The following LMO7 variants were observed in gnomAD, a reference collection of about 807,000 sequenced individuals.
LMO7 encodes the protein LIM domain only protein 7.
In LMO7, 120 loss-of-function variants were observed where a neutral mutation model predicts 206.5. The ratio of observed to expected loss-of-function variants is 0.58; its 90% CI spans 0.50 to 0.68. The LOEUF (loss-of-function observed/expected upper bound fraction) is 0.68, where lower values mean the gene tolerates loss of function less well. Ranked by LOEUF, LMO7 falls within the 30% of genes least tolerant of loss-of-function variation. The pLI is 0.00. For synonymous variants in LMO7, 706 were observed against 681.5 expected (o/e 1.04, Z -0.56); for missense variants, 1,959 against 1,957.9 (o/e 1.00, Z -0.01).
At chr13:75,838,453 TAAAA>T (rs35202291) in intron 20 of LMO7, 2,291 of 205,246 alleles carry the variant, frequency 0.011, no homozygotes, top group South Asian at 0.019. Flanking sequence ...TTTAACTTTG[TAAAA>T]AAAAAAAAAA....
rs2057557811 is a variant in LMO7, at chr13:75,821,369, A to G, written c.2400A>G (p.Lys800=). 1.2e-6 allele frequency: 2 copies of G among 1,614,188 alleles called. No individual in the cohort carries two copies. The highest frequency in any genetic ancestry group is 8.5e-7 in the Non-Finnish European group (1 of 1,180,026). Residue 800 remains lysine (K), a synonymous_variant, in exon 14 of 31, where the codon AAA becomes AAG. Coordinates refer to ENST00000377534, the MANE Select transcript of LMO7 (RefSeq NM_001306080.2). The part of the protein sequence containing the change: ...IPKEDSTTFA[K]REDRVTTEIQ... ...AAGAAGATTCTACCACTTTTGCAAA[A>G]AGAGAGGACCGTGTAACAACTGAAA...
At chr13:75,720,073 T>C (rs1381570851) in intron 2 of LMO7, among the ~76,000 whole-genome samples, 1 of 152,214 alleles carries the variant, frequency 6.6e-6, no homozygotes, top group Non-Finnish European at 1.5e-5. Flanking sequence ...TTAATTTACA[T>C]GTCCCTGATA....
rs2046036705 is a variant in LMO7 at position 75,737,800 on chromosome 13, A to AC, written c.210+10702_210+10703insC. On this transcript the variant is annotated intron_variant, in intron 3 of 30. Coordinates refer to ENST00000377534, the MANE Select transcript of LMO7 (RefSeq NM_001306080.2). ...AATAAAATAAAAAAAAAAAAAAAAA[A>AC]ACTTTTTACTTTGAAATAAATATAG... Among the ~76,000 whole-genome samples, 7 of 115,080 alleles carry AC rather than the reference A, an allele frequency of 6.1e-5. 1 individual carries two copies. Among genetic ancestry groups the AC allele is most frequent in the African/African-American group, 2.3e-4 (7 of 30,390 alleles). 75.5% of individuals were successfully genotyped at this position (115,080 alleles called of 152,430 possible).
chr13:75,819,656 T>G, intron 13 of LMO7, 121 bp downstream of exon 13: 1 of 1,010,560 alleles, frequency 9.9e-7, no homozygotes, highest in Non-Finnish European at 1.3e-6. Flanking sequence ...TAGTCAAATA[T>G]GCAAAGAAAC....
At chr13:75,696,849 A>G (rs1372700515) in intron 1 of LMO7, among the ~76,000 whole-genome samples, 2 of 152,044 alleles carry the variant, frequency 1.3e-5, no homozygotes, top group African/African-American at 4.8e-5. Flanking sequence ...GACTGAGCCG[A>G]GGGGAGGTGT....
intron 16 of LMO7, 60 bp downstream of exon 16, chr13:75,833,225 G>T: frequency 1.0e-6 from 1 of 991,958 alleles, no homozygotes; most frequent in Non-Finnish European, 1.6e-6. Flanking sequence ...TCATTGTGGG[G>T]TTGGGGACCA....
Position 75,838,174 on chromosome 13 carries a change from G to T in LMO7, c.3429G>T (p.Arg1143Ser). Residue 1143 changes from arginine to serine, a missense_variant, in exon 20 of 31, where the codon AGG becomes AGT. By Grantham distance (110) the Arg-to-Ser change is moderately radical. Transcript: ENST00000377534. ...SESISLKNLK[R>S]RSQFFEQGSS... is the part of the protein sequence containing the mutation. ...CCATTTCTTTGAAAAACTTAAAAAG[G>T]CGATCACAATTTTTTGAACAAGGTA... 2 of 1,606,962 alleles carry T rather than the reference G, an allele frequency of 1.2e-6. No individual in the cohort carries two copies. Among genetic ancestry groups the T allele is most frequent in the Non-Finnish European group, 1.7e-6 (2 of 1,173,988 alleles).
At chr13:75,688,353 G>A (rs1335131481) in intron 1 of LMO7, among the ~76,000 whole-genome samples, 2 of 152,120 alleles carry the variant, frequency 1.3e-5, no homozygotes, top group East Asian at 1.9e-4. Flanking sequence ...ATTCTTGTGC[G>A]AATAACAGAA....
intron 1 of LMO7, among the ~76,000 whole-genome samples, chr13:75,660,836 C>T (rs2038520074): frequency 6.6e-6 from 1 of 152,128 alleles, no homozygotes; most frequent in Non-Finnish European, 1.5e-5. Flanking sequence ...TTCTGAGCCC[C>T]TTCCTGAGCA....
chr13:75,752,440 A>G lies in LMO7; in HGVS notation c.211-8492A>G, dbSNP rs1024501358. ...GAGCCACTGCACCCGGCCAAAGAAC[A>G]TTTAAAAAAATTTATATTCATGGGG... is the stretch of plus-strand genomic sequence containing the variant. On this transcript the variant is annotated intron_variant, in intron 3 of 30. Coordinates refer to ENST00000377534, the MANE Select transcript of LMO7 (RefSeq NM_001306080.2). Among the ~76,000 whole-genome samples, 4 of 152,212 alleles carry G rather than the reference A, an allele frequency of 2.6e-5. No individual in the cohort carries two copies. The East Asian group carries it at 5.8e-4, about 22-fold the overall frequency.
At chr13:75,709,880 A>G (rs931384270) in intron 1 of LMO7, among the ~76,000 whole-genome samples, 1 of 152,180 alleles carries the variant, frequency 6.6e-6, no homozygotes, top group African/African-American at 2.4e-5. Context: ...GCTGATGCCT[A>G]TGTCCTGAAT....
chr13:75,830,034 A>G (rs769620628), intron 15 of LMO7, among the ~76,000 whole-genome samples: 1 of 152,162 alleles, frequency 6.6e-6, no homozygotes, highest in Non-Finnish European at 1.5e-5. Flanking sequence ...TCCCCCAACA[A>G]TTTATATTCC....
chr13:75,717,460 G>A (rs1228397869), intron 2 of LMO7, among the ~76,000 whole-genome samples: 4 of 151,648 alleles, frequency 2.6e-5, no homozygotes, highest in African/African-American at 7.2e-5. Context: ...GGAAAGACAG[G>A]AGCAAGATAT....
chr13:75,756,214 T>C (rs2047672416), intron 3 of LMO7, among the ~76,000 whole-genome samples: 1 of 152,144 alleles, frequency 6.6e-6, no homozygotes. Flanking sequence ...GAGACCAAGG[T>C]AGAGAAGAGC....
rs190918831 is a variant in LMO7 at position 75,769,132 on chromosome 13, C to A, written c.317+8094C>A. On this transcript the variant is annotated intron_variant, in intron 4 of 30. Transcript: ENST00000377534. ...ATTTTTTTTCTTTAAAAAAGTAGAA[C>A]CTGACTATCAAATGTTAAATAGAGT... 5.3e-5 allele frequency among the ~76,000 whole-genome samples: 8 copies of A among 151,978 alleles called. No homozygotes were observed. The East Asian group carries it at 1.2e-3, about 22-fold the overall frequency.
At chr13:75,817,393 T>C in intron 12 of LMO7, 115 bp downstream of exon 12, 1 of 571,020 alleles carries the variant, frequency 1.8e-6, no homozygotes, top group Non-Finnish European at 3.0e-6. Context: ...TTCAGTTCTG[T>C]ATAAAATGTG....
At chr13:75,632,862 G>GTTTTTTTTTGTTTGTTTTTTTT (rs2035134633), upstream of LMO7, among the ~76,000 whole-genome samples, 1 of 102,138 alleles carries the variant, frequency 9.8e-6, no homozygotes, top group African/African-American at 4.0e-5. Context: ...TTACTTAAAA[G>GTTTTTTTTTGTTTGTTTTTTTT]TTTTTTTTTT....
chr13:75,795,398 C>T lies in LMO7; in HGVS notation c.318-3C>T, dbSNP rs745388262. On this transcript the variant is annotated splice_region_variant and splice_polypyrimidine_tract_variant and intron_variant, in intron 4 of 30. Transcript: ENST00000377534. ...ACCTAATAGATATTTTCTTTCTTTACAGGCAAGAAGAGACTGACAGGAGAG... is the reference window on the plus strand; with the variant it reads ...ACCTAATAGATATTTTCTTTCTTTATAGGCAAGAAGAGACTGACAGGAGAG... 1.3e-6 allele frequency: 2 copies of T among 1,572,966 alleles called. No individual in the cohort carries two copies. The highest frequency in any genetic ancestry group is 1.7e-6 in the Non-Finnish European group (2 of 1,150,436).
At chr13:75,717,256 G>A (rs192728529) in intron 2 of LMO7, among the ~76,000 whole-genome samples, 1,542 of 151,494 alleles carry the variant, frequency 0.01, 24 homozygotes, top group East Asian at 0.055. Context: ...CCAGCTACTC[G>A]GGAGGCTGAG....
Sources: gnomAD v4.1 joint callset for allele counts (sites outside exome capture counted in the v4.1 genomes callset) on GRCh38, gnomAD v4.1.1 for gene constraint, MANE v1.5 for transcripts, NCBI Gene and HGNC (gene_info 2026-07-23, HGNC 2026-07-21) for gene names.